The following MDM1 variants were observed in gnomAD, a reference collection of about 807,000 sequenced individuals.
MDM1 encodes the protein stabilizer of axonemal microtubules 6.
A neutral mutation model predicts 89.1 loss-of-function variants in MDM1; 61 were observed. The ratio of observed to expected loss-of-function variants is 0.68; its 90% confidence interval spans 0.56 to 0.85. MDM1 has a LOEUF of 0.85. MDM1 is among the 40% of genes least tolerant of loss of function. The probability of loss-of-function intolerance (pLI) is 0.00; values close to 1 mark genes in which losing one functional copy is unlikely to be tolerated. For synonymous variants in MDM1, 290 were observed against 294.1 expected (o/e 0.99, Z 0.14); for missense variants, 820 against 846.5 (o/e 0.97, Z 0.39).
intron 12 of MDM1, among the ~76,000 whole-genome samples, chr12:68,310,455 C>T (rs748469333): frequency 2.0e-5 from 3 of 152,144 alleles, no homozygotes; most frequent in Non-Finnish European, 2.9e-5. Context: ...ATGAGTCACT[C>T]GTTTTGGCTG....
At chr12:68,308,826 G>A (rs1565771409) in intron 12 of MDM1, among the ~76,000 whole-genome samples, 1 of 152,160 alleles carries the variant, frequency 6.6e-6, no homozygotes, top group Non-Finnish European at 1.5e-5. Context: ...TCAGTGCATG[G>A]TACCTCCATC....
chr12:68,324,825 G>A (rs1875726460), intron 4 of MDM1, among the ~76,000 whole-genome samples: 2 of 152,054 alleles, frequency 1.3e-5, no homozygotes, highest in African/African-American at 4.8e-5. Context: ...CTCCCTAAAG[G>A]ATGAAGGTAG....
At chr12:68,325,022 T>C (rs1053283051) in intron 4 of MDM1, 1 of 980,174 alleles carries the variant, frequency 1.0e-6, no homozygotes, top group East Asian at 1.1e-4. Flanking sequence ...CAACATATTT[T>C]GTATTTATTA....
intron 12 of MDM1, among the ~76,000 whole-genome samples, chr12:68,303,270 G>A (rs1377890498): frequency 6.6e-6 from 1 of 152,078 alleles, no homozygotes; most frequent in Admixed American, 6.6e-5. Context: ...CCTTACTAAT[G>A]ATCAAATAAT....
intron 12 of MDM1, 103 bp downstream of exon 12, chr12:68,313,340 G>A: frequency 1.2e-6 from 1 of 840,640 alleles, no homozygotes; most frequent in Non-Finnish European, 1.9e-6. Context: ...CTCCTCATAT[G>A]ATAGCCACAA....
chr12:68,332,190 C>T (rs1438110472), intron 1 of MDM1, 38 bp downstream of exon 1: 2 of 1,521,676 alleles, frequency 1.3e-6, no homozygotes, highest in Non-Finnish European at 1.8e-6. Flanking sequence ...GCCATGGCTC[C>T]CCCCAGCCAC....
In MDM1 at chr12:68,332,298, T is replaced by G; in HGVS notation, c.-53A>C. On this transcript the variant is annotated 5_prime_UTR_variant, in exon 1 of 15. Coordinates refer to ENST00000682720, the MANE Select transcript of MDM1 (RefSeq NM_001354969.2). ...TCCGACAGTTAACTGGAGAAAAAGC[T>G]CCGAGGGGGCGGGGCGATAACAGTG... is the stretch of plus-strand genomic sequence containing the variant. The G allele has an allele frequency of 3.2e-6, 5 of 1,545,478 alleles. No individual in the cohort carries two copies. Among genetic ancestry groups the G allele is most frequent in the Non-Finnish European group, 4.4e-6 (5 of 1,146,488 alleles).
chr12:68,317,806 T>C lies in MDM1; in HGVS notation c.1006-1196A>G, dbSNP rs1016331299. Among the ~76,000 whole-genome samples, 3 of 152,220 alleles carry C rather than the reference T, an allele frequency of 2.0e-5. No homozygotes were observed. In the East Asian group the frequency reaches 5.8e-4, roughly 29 times the overall value. On this transcript the variant is annotated intron_variant, in intron 7 of 14. Coordinates refer to ENST00000682720, the MANE Select transcript of MDM1 (RefSeq NM_001354969.2). ...TATTCTGAATGCACAGGAACCTTGT[T>C]ATAAAGTGCCTCGATATACTCCAGA...
chr12:68,317,772 T>C (rs563957800), intron 7 of MDM1, among the ~76,000 whole-genome samples: 21 of 152,352 alleles, frequency 1.4e-4, no homozygotes, highest in African/African-American at 5.0e-4. Flanking sequence ...ACTGAACTTC[T>C]AACCAGGGTA....
chr12:68,319,141 T>C (rs1874887922), intron 7 of MDM1, among the ~76,000 whole-genome samples: 1 of 152,216 alleles, frequency 6.6e-6, no homozygotes, highest in East Asian at 1.9e-4. Flanking sequence ...ATTCTGAGGA[T>C]AGAACCTAAA....
At chr12:68,318,930 C>T (rs1157797572) in intron 7 of MDM1, among the ~76,000 whole-genome samples, 1 of 152,112 alleles carries the variant, frequency 6.6e-6, no homozygotes, top group Non-Finnish European at 1.5e-5. Flanking sequence ...AAAACCATCC[C>T]CCCAAAATGA....
rs146176498 is a variant in MDM1 at position 68,313,637 on chromosome 12, C to T, written c.1639+7G>A. On this transcript the variant is annotated splice_region_variant and intron_variant, in intron 11 of 14. Transcript: ENST00000682720. Reference sequence around the variant, plus strand: ...TAAATAAGAACTGCACGGTGTTTGCCGATTACCAACAGCTGGAGTAGTGAG... The same window carrying T: ...TAAATAAGAACTGCACGGTGTTTGCTGATTACCAACAGCTGGAGTAGTGAG... 3.3e-4 allele frequency: 538 copies of T among 1,612,368 alleles called. 2 individuals are homozygous for T. The African/African-American group carries it at 6.4e-3, about 19-fold the overall frequency.
intron 13 of MDM1, among the ~76,000 whole-genome samples, 174 bp from the exon 14 acceptor site, chr12:68,297,156 C>G (rs976618089): frequency 6.6e-6 from 1 of 152,032 alleles, no homozygotes; most frequent in East Asian, 1.9e-4. Context: ...AATTTTATAT[C>G]TTAATAGAAA....
At chr12:68,329,357 G>A (rs184813302) in intron 2 of MDM1, among the ~76,000 whole-genome samples, 2 of 152,246 alleles carry the variant, frequency 1.3e-5, no homozygotes, top group Non-Finnish European at 2.9e-5. Flanking sequence ...AAAATACCTC[G>A]TCGTCTTACT....
At chr12:68,302,958 T>C in intron 12 of MDM1, 86 bp from the exon 13 acceptor site, 1 of 1,217,762 alleles carries the variant, frequency 8.2e-7, no homozygotes, top group Non-Finnish European at 1.1e-6. Flanking sequence ...GCAAAAAACA[T>C]AACCAAAAAG....
chr12:68,328,743 G>A (rs568394130), intron 2 of MDM1, among the ~76,000 whole-genome samples: 6 of 152,166 alleles, frequency 3.9e-5, no homozygotes, highest in South Asian at 2.1e-4. Context: ...GTGGTCTGCC[G>A]CTGTCTCCCA....
At chr12:68,305,256 G>A (rs1356312272) in intron 12 of MDM1, among the ~76,000 whole-genome samples, 1 of 152,056 alleles carries the variant, frequency 6.6e-6, no homozygotes, top group Non-Finnish European at 1.5e-5. Context: ...AGGCAATGAA[G>A]GAACATACCT....
chr12:68,313,625 C>T lies in MDM1; in HGVS notation c.1639+19G>A. 1.2e-6 allele frequency: 2 copies of T among 1,609,658 alleles called. No homozygotes were observed. Among genetic ancestry groups the T allele is most frequent in the Non-Finnish European group, 1.7e-6 (2 of 1,176,120 alleles). ...GAAAAAGCAGGTTAAATAAGAACTG[C>T]ACGGTGTTTGCCGATTACCAACAGC... On this transcript the variant is annotated intron_variant, in intron 11 of 14. Coordinates refer to ENST00000682720, the MANE Select transcript of MDM1 (RefSeq NM_001354969.2).
At position 68,313,440 on chromosome 12, in the gene MDM1, T is replaced by A. The variant is rs1270374574; in HGVS notation, c.1749+3A>T. On this transcript the variant is annotated splice_donor_region_variant and intron_variant, in intron 12 of 14. Transcript: ENST00000682720. ...GATGCTTTTTTCCCCAAAACATGTTTACCTTAGTAAAATCATTCTTTGAAG... is the reference window on the plus strand; with the variant it reads ...GATGCTTTTTTCCCCAAAACATGTTAACCTTAGTAAAATCATTCTTTGAAG... 1 of 1,598,028 alleles carries A rather than the reference T, an allele frequency of 6.3e-7. No individual in the cohort carries two copies. Among genetic ancestry groups the A allele is most frequent in the South Asian group, 1.1e-5 (1 of 90,364 alleles).
Sources: allele counts gnomAD v4.1 joint callset (sites outside exome capture counted in the v4.1 genomes callset), GRCh38; gene constraint gnomAD v4.1.1; transcripts MANE v1.5; gene names NCBI Gene and HGNC (gene_info 2026-07-23, HGNC 2026-07-21).